ARSF: variants seen among roughly 807,000 people sequenced by gnomAD.
ARSF encodes the protein arylsulfatase F.
A neutral mutation model predicts 35.4 loss-of-function variants in ARSF; 33 were observed. The observed-to-expected ratio is 0.93, with a 90% CI of 0.71 to 1.25. The LOEUF is 1.25. ARSF is among the 50% of genes most tolerant of loss of function. ARSF has a pLI of 0.00. For synonymous variants in ARSF, 222 were observed against 193.1 expected (o/e 1.15, Z -1.24); for missense variants, 501 against 480.2 (o/e 1.04, Z -0.40).
intron 7 of ARSF, among the ~76,000 whole-genome samples, chrX:3,094,261 G>A (rs941734759): frequency 8.9e-6 from 1 of 111,818 alleles, no homozygotes; most frequent in Non-Finnish European, 1.9e-5. Flanking sequence ...GGGCTCCAAA[G>A]CTCTTACTCC....
At chrX:3,111,138 CTTTTTTT>C (rs1164012790) in intron 10 of ARSF, among the ~76,000 whole-genome samples, 1 of 89,274 alleles carries the variant, frequency 1.1e-5, no homozygotes, top group East Asian at 3.2e-4. Context: ...TTCTTTCTTT[CTTTTTTT>C]TTTTTTTGGA....
chrX:3,083,481 CCTATCTATCTAT>C (rs746160970), intron 5 of ARSF, among the ~76,000 whole-genome samples: 1,486 of 93,486 alleles, frequency 0.016, 15 homozygotes, highest in Middle Eastern at 0.041. Context: ...TCTCCTCTAT[CCTATCTATCTAT>C]CTATCTATCT....
intron 8 of ARSF, among the ~76,000 whole-genome samples, chrX:3,103,161 G>A (rs1318906869): frequency 1.8e-5 from 2 of 111,351 alleles, no homozygotes; most frequent in Admixed American, 9.6e-5. Flanking sequence ...CAAGGTGCAT[G>A]AATCAACAGT....
intron 4 of ARSF, among the ~76,000 whole-genome samples, chrX:3,078,851 A>G (rs1456420321): frequency 9.0e-6 from 1 of 111,098 alleles, no homozygotes; most frequent in African/African-American, 3.3e-5. Flanking sequence ...CTCTTTCCCA[A>G]TATTGTACAA....
chrX:3,087,993 T>A (rs995862258), intron 6 of ARSF, among the ~76,000 whole-genome samples: 4 of 112,318 alleles, frequency 3.6e-5, no homozygotes, highest in East Asian at 2.8e-4. Flanking sequence ...TCATTTTTTT[T>A]ATTTCTTTAT....
chrX:3,102,892 C>T (rs2090388125), intron 8 of ARSF, among the ~76,000 whole-genome samples: 2 of 108,172 alleles, frequency 1.8e-5, no homozygotes, highest in Admixed American at 2.0e-4. Context: ...AGCCTGGCAA[C>T]AGAGCGAGAC....
At chrX:3,069,767 A>T (rs1321625028) in intron 2 of ARSF, among the ~76,000 whole-genome samples, 1 of 102,989 alleles carries the variant, frequency 9.7e-6, no homozygotes, top group African/African-American at 3.6e-5. Flanking sequence ...TTGTCCCTTG[A>T]GTCAAAAAAG....
intron 9 of ARSF, among the ~76,000 whole-genome samples, chrX:3,106,232 A>G (rs1369172155): frequency 8.9e-6 from 1 of 112,220 alleles, no homozygotes; most frequent in Non-Finnish European, 1.9e-5. Flanking sequence ...AATATCGCGA[A>G]GATGACTAAG....
intron 1 of ARSF, among the ~76,000 whole-genome samples, chrX:3,063,108 G>A: frequency 9.0e-6 from 1 of 111,679 alleles, no homozygotes; most frequent in Non-Finnish European, 1.9e-5. Context: ...TATCCATCAT[G>A]GTCAAGTTGG....
At chrX:3,094,694 T>C (rs2090327595) in intron 7 of ARSF, among the ~76,000 whole-genome samples, 1 of 110,605 alleles carries the variant, frequency 9.0e-6, no homozygotes, top group South Asian at 3.8e-4. Flanking sequence ...CAGTTGTGAG[T>C]GGTGGAATCC....
At chrX:3,082,638 C>G (rs146700409) in intron 5 of ARSF, among the ~76,000 whole-genome samples, 2,122 of 111,590 alleles carry the variant, frequency 0.019, 16 homozygotes, top group Middle Eastern at 0.047. Context: ...ATTTATCTAT[C>G]TGTCTACTCA....
chrX:3,041,404 C>G (rs1289259031), upstream of ARSF: 1 of 107,397 alleles, frequency 9.3e-6, no homozygotes, highest in African/African-American at 3.4e-5. Flanking sequence ...GATTCTCCTG[C>G]CTCAGCCTCC....
chrX:3,067,201 A>T (rs753314527), intron 1 of ARSF, among the ~76,000 whole-genome samples: 2 of 108,777 alleles, frequency 1.8e-5, no homozygotes, highest in East Asian at 5.8e-4. Context: ...TGTCCAGAGT[A>T]TACATGCTTT....
intron 6 of ARSF, 64 bp downstream of exon 6, chrX:3,084,730 A>G (rs754102705): frequency 2.3e-5 from 23 of 1,016,572 alleles, no homozygotes; most frequent in Non-Finnish European, 3.0e-5. Flanking sequence ...AAGGACCTAG[A>G]TAGATCTGTA....
chrX:3,067,856 C>CA (rs1202340233), intron 1 of ARSF, among the ~76,000 whole-genome samples: 7,127 of 60,463 alleles, frequency 0.12, 380 homozygotes, highest in African/African-American at 0.23. Context: ...GACTCCGGCT[C>CA]AAAAAAAAAA....
intron 9 of ARSF, among the ~76,000 whole-genome samples, chrX:3,107,133 A>G (rs1377999): frequency 0.16 from 18,053 of 111,296 alleles, 1,133 homozygotes; most frequent in Middle Eastern, 0.21. Flanking sequence ...ATTCAGTACA[A>G]ACAAGACCGT....
At chrX:3,076,476 G>A (rs1175100808) in intron 3 of ARSF, 72 bp from the exon 4 acceptor site, 16 of 1,086,903 alleles carry the variant, frequency 1.5e-5, no homozygotes, top group South Asian at 1.1e-4. Flanking sequence ...TCTTCCTCTC[G>A]CTCTTCCTCT....
At chrX:3,097,354 A>C (rs997062573) in intron 7 of ARSF, among the ~76,000 whole-genome samples, 2 of 112,419 alleles carry the variant, frequency 1.8e-5, no homozygotes, top group Non-Finnish European at 3.8e-5. Context: ...AAGTAGCATG[A>C]CTAAAGGCCC....
Position 3,082,460 on chromosome X carries a change from T to C in ARSF, c.406+1447T>C, listed in dbSNP as rs181582211. Among the ~76,000 whole-genome samples the C allele has an allele frequency of 1.6e-3, 179 of 111,695 alleles. 1 individual carries two copies. The highest frequency in any genetic ancestry group is 5.2e-3 in the African/African-American group (161 of 30,761). On this transcript the variant is annotated intron_variant, in intron 5 of 10. Coordinates refer to ENST00000381127, the MANE Select transcript of ARSF (RefSeq NM_001201539.2). ...CATTTATCTATCATCTATGAATCTA[T>C]CTACCCATCATCTATCTATCATCTA... is the stretch of plus-strand genomic sequence containing the variant.
Sources: gnomAD v4.1 joint callset for allele counts (sites outside exome capture counted in the v4.1 genomes callset) on GRCh38, gnomAD v4.1.1 for gene constraint, MANE v1.5 for transcripts, NCBI Gene and HGNC (gene_info 2026-07-23, HGNC 2026-07-21) for gene names.